The following TECRL variants were observed in gnomAD, a reference collection of about 807,000 sequenced individuals.
TECRL encodes trans-2,3-enoyl-CoA reductase-like.
A neutral mutation model predicts 52.8 loss-of-function variants in TECRL; 63 were observed. The ratio of observed to expected loss-of-function variants is 1.19; its 90% CI spans 0.97 to 1.47. The LOEUF (loss-of-function observed/expected upper bound fraction) is 1.47, where lower values mean the gene tolerates loss of function less well. Among genes scored for constraint, TECRL ranks in the 40% most tolerant of loss-of-function variants. The pLI is 0.00. For synonymous variants in TECRL, 164 were observed against 141.9 expected, an observed-to-expected ratio of 1.16 and a Z score of -1.10; for missense variants, 482 against 429.6, an observed-to-expected ratio of 1.12 and a Z score of -1.08.
intron 2 of TECRL, among the ~76,000 whole-genome samples, chr4:64,362,153 A>C (rs1018260266): frequency 1.3e-5 from 2 of 152,150 alleles, no homozygotes; most frequent in African/African-American, 2.4e-5. Context: ...ACAAAAATAA[A>C]GAAAAAGAAT....
intron 2 of TECRL, among the ~76,000 whole-genome samples, chr4:64,345,305 T>A (rs1719874242): frequency 6.6e-6 from 1 of 152,040 alleles, no homozygotes; most frequent in African/African-American, 2.4e-5. Flanking sequence ...CCAACCCAAA[T>A]GTCCAACAAT....
chr4:64,396,226 A>C (rs2109763484), intron 1 of TECRL, among the ~76,000 whole-genome samples: 1 of 152,262 alleles, frequency 6.6e-6, no homozygotes, highest in African/African-American at 2.4e-5. Flanking sequence ...TTCTGCTTTA[A>C]ATTCTTTGAG....
At chr4:64,286,856 T>C (rs534051375) in intron 9 of TECRL, among the ~76,000 whole-genome samples, 1 of 152,310 alleles carries the variant, frequency 6.6e-6, no homozygotes, top group South Asian at 2.1e-4. Context: ...TTCGAATAAA[T>C]GAAGAAGCTT....
At chr4:64,341,233 T>C (rs967290151) in intron 2 of TECRL, among the ~76,000 whole-genome samples, 8 of 152,162 alleles carry the variant, frequency 5.3e-5, no homozygotes, top group Non-Finnish European at 1.0e-4. Flanking sequence ...CTTGTCTTCA[T>C]ACCTCATTCT....
intron 1 of TECRL, among the ~76,000 whole-genome samples, chr4:64,403,143 G>A (rs1578002339): frequency 6.6e-6 from 1 of 151,848 alleles, no homozygotes; most frequent in Non-Finnish European, 1.5e-5. Flanking sequence ...AACACATGCT[G>A]AAGTTTCTCA....
intron 1 of TECRL, among the ~76,000 whole-genome samples, chr4:64,384,385 GA>G (rs1723028472): frequency 1.3e-5 from 2 of 152,018 alleles, no homozygotes; most frequent in Non-Finnish European, 2.9e-5. Flanking sequence ...GGCCAGTCCT[GA>G]GGCCCCAAGT....
intron 2 of TECRL, among the ~76,000 whole-genome samples, chr4:64,328,827 C>T (rs1376299636): frequency 6.6e-6 from 1 of 151,846 alleles, no homozygotes. Context: ...AGGTTTTGGA[C>T]ATGCATCAGG....
At chr4:64,302,189 T>C (rs1290503816) in intron 7 of TECRL, among the ~76,000 whole-genome samples, 2 of 151,436 alleles carry the variant, frequency 1.3e-5, no homozygotes, top group Admixed American at 6.6e-5. Context: ...AAATAAACTC[T>C]AGTAGAATAT....
At chr4:64,316,309 C>G (rs1717491971) in intron 4 of TECRL, among the ~76,000 whole-genome samples, 2 of 151,922 alleles carry the variant, frequency 1.3e-5, no homozygotes, top group Non-Finnish European at 2.9e-5. Context: ...AATCATCTCT[C>G]AAAAATAATT....
At chr4:64,309,187 T>C (rs1414798515) in intron 6 of TECRL, among the ~76,000 whole-genome samples, 1 of 152,172 alleles carries the variant, frequency 6.6e-6, no homozygotes, top group Non-Finnish European at 1.5e-5. Context: ...GCTGTTCTGT[T>C]GCGATATTAC....
At chr4:64,339,388 A>G (rs1390439656) in intron 2 of TECRL, among the ~76,000 whole-genome samples, 7 of 152,066 alleles carry the variant, frequency 4.6e-5, no homozygotes, top group Non-Finnish European at 4.4e-5. Context: ...ACATGTATAC[A>G]TATGTAAGAA....
chr4:64,396,215 G>A (rs1723939800), intron 1 of TECRL, among the ~76,000 whole-genome samples: 1 of 152,114 alleles, frequency 6.6e-6, no homozygotes, highest in Non-Finnish European at 1.5e-5. Context: ...CTGAATGGTA[G>A]TTCTGCTTTA....
chr4:64,277,407 C>A (rs1248067410), downstream of TECRL, among the ~76,000 whole-genome samples: 6 of 151,806 alleles, frequency 4.0e-5, no homozygotes, highest in Non-Finnish European at 7.4e-5. Flanking sequence ...ATTGACATTT[C>A]TTTTTAAGAT....
intron 2 of TECRL, among the ~76,000 whole-genome samples, chr4:64,339,456 A>G (rs1719386254): frequency 6.6e-6 from 1 of 151,774 alleles, no homozygotes; most frequent in African/African-American, 2.4e-5. Flanking sequence ...ATATATATAT[A>G]TATATGGAAA....
intron 2 of TECRL, among the ~76,000 whole-genome samples, chr4:64,364,358 A>G (rs1721445965): frequency 6.6e-6 from 1 of 152,098 alleles, no homozygotes; most frequent in South Asian, 2.1e-4. Context: ...ATCTAGAGAA[A>G]AGTAGTAGCA....
At chr4:64,349,268 C>T (rs988062500) in intron 2 of TECRL, among the ~76,000 whole-genome samples, 2 of 151,526 alleles carry the variant, frequency 1.3e-5, no homozygotes, top group Non-Finnish European at 2.9e-5. Context: ...GAGTAGCTGG[C>T]ATTACAGGCA....
intron 4 of TECRL, among the ~76,000 whole-genome samples, chr4:64,318,993 G>C (rs193219932): frequency 9.2e-5 from 14 of 151,928 alleles, no homozygotes; most frequent in African/African-American, 2.9e-4. Flanking sequence ...AATGAGTCAG[G>C]AGGTGCTCAA....
At chr4:64,291,607 C>G (rs745498327) in intron 8 of TECRL, among the ~76,000 whole-genome samples, 1 of 151,824 alleles carries the variant, frequency 6.6e-6, no homozygotes, top group Non-Finnish European at 1.5e-5. Flanking sequence ...CATACTCATT[C>G]AAACATCAAA....
At chr4:64,373,882 A>C (rs951517197) in intron 2 of TECRL, among the ~76,000 whole-genome samples, 8 of 149,610 alleles carry the variant, frequency 5.3e-5, no homozygotes, top group Admixed American at 2.7e-4. Flanking sequence ...TATTAAAATA[A>C]ATTTATTTTA....
Sources: allele counts gnomAD v4.1 joint callset (sites outside exome capture counted in the v4.1 genomes callset), GRCh38; gene constraint gnomAD v4.1.1; transcripts MANE v1.5; gene names NCBI Gene and HGNC (gene_info 2026-07-23, HGNC 2026-07-21).